The following SLC5A4 variants were observed in gnomAD, a reference collection of about 807,000 sequenced individuals.
The protein encoded by SLC5A4 is solute carrier family 5 member 4, also known as probable glucose sensor protein SLC5A4.
Under a neutral mutation model 70.3 loss-of-function variants are expected in SLC5A4, and 55 were observed. That is an observed-to-expected ratio of 0.78 (90% confidence interval 0.63 to 0.98). The LOEUF is 0.98. SLC5A4 is among the 50% of genes least tolerant of loss of function. The probability of loss-of-function intolerance (pLI) is 0.00; values close to 1 mark genes in which losing one functional copy is unlikely to be tolerated. For synonymous variants in SLC5A4, 268 were observed against 305.7 expected (o/e 0.88, Z 1.29); for missense variants, 735 against 839.2 (o/e 0.88, Z 1.53).
At chr22:32,288,956 T>C in the SLC5A4 span, among the ~76,000 whole-genome samples, 2 of 152,224 alleles carry the variant, frequency 1.3e-5, no homozygotes, top group Non-Finnish European at 2.9e-5. Flanking sequence ...CTTTTTTTTC[T>C]TGTTTGTGTC....
the SLC5A4 span, among the ~76,000 whole-genome samples, chr22:32,331,754 C>T: frequency 3.9e-5 from 6 of 152,202 alleles, no homozygotes; most frequent in Non-Finnish European, 7.4e-5. Flanking sequence ...GGGCAGGACA[C>T]GCAGCCCACA....
At chr22:32,341,840 C>A in the SLC5A4 span, among the ~76,000 whole-genome samples, 2 of 152,198 alleles carry the variant, frequency 1.3e-5, no homozygotes, top group Non-Finnish European at 2.9e-5. Flanking sequence ...ACATTTCACT[C>A]CCTCCACCTG....
the SLC5A4 span, among the ~76,000 whole-genome samples, chr22:32,323,943 C>T: frequency 3.8e-3 from 572 of 152,044 alleles, 6 homozygotes; most frequent in African/African-American, 0.013. Context: ...GGCAGCCTCA[C>T]CCGACTTTGG....
upstream of SLC5A4, among the ~76,000 whole-genome samples, chr22:32,255,922 C>T (rs1175333512): frequency 6.6e-6 from 1 of 152,026 alleles, no homozygotes; most frequent in African/African-American, 2.4e-5. Context: ...CTGTGGAGAG[C>T]GCTGGGTCAG....
the SLC5A4 span, among the ~76,000 whole-genome samples, chr22:32,336,408 T>G: frequency 5.3e-5 from 8 of 152,246 alleles, no homozygotes; most frequent in Admixed American, 5.2e-4. Context: ...GTTGCTGCGT[T>G]AAGGCATTTT....
chr22:32,332,868 T>C, the SLC5A4 span, among the ~76,000 whole-genome samples: 3 of 152,202 alleles, frequency 2.0e-5, no homozygotes, highest in Non-Finnish European at 4.4e-5. Flanking sequence ...GCTGTCCTTT[T>C]CATCGGCAGC....
At chr22:32,304,186 G>A in the SLC5A4 span, among the ~76,000 whole-genome samples, 1 of 152,098 alleles carries the variant, frequency 6.6e-6, no homozygotes, top group South Asian at 2.1e-4. Flanking sequence ...GAGTGCAATG[G>A]TGCAATCTCA....
chr22:32,308,164 C>T, the SLC5A4 span, among the ~76,000 whole-genome samples: 2 of 152,150 alleles, frequency 1.3e-5, no homozygotes, highest in African/African-American at 2.4e-5. Flanking sequence ...CTCCTGGGTT[C>T]ACGTTATGTT....
chr22:32,303,284 G>T, the SLC5A4 span, among the ~76,000 whole-genome samples: 1 of 152,210 alleles, frequency 6.6e-6, no homozygotes, highest in South Asian at 2.1e-4. Flanking sequence ...GTCCAGAAAG[G>T]TGGGACAACT....
the SLC5A4 span, among the ~76,000 whole-genome samples, chr22:32,342,353 T>C: frequency 6.6e-6 from 1 of 152,014 alleles, no homozygotes; most frequent in Non-Finnish European, 1.5e-5. Flanking sequence ...TAACTAATAA[T>C]GATGGAAGAA....
chr22:32,304,756 C>T, the SLC5A4 span, among the ~76,000 whole-genome samples: 72,871 of 152,040 alleles, frequency 0.48, 17,623 homozygotes, highest in Admixed American at 0.51. Flanking sequence ...TATCAATTCT[C>T]TCTTTCATAG....
the SLC5A4 span, among the ~76,000 whole-genome samples, chr22:32,292,591 T>G: frequency 6.6e-6 from 1 of 151,218 alleles, no homozygotes; most frequent in African/African-American, 2.4e-5. Context: ...GTGAGAAATA[T>G]GGTAGAAAAT....
rs529788486 is a variant in SLC5A4 at position 32,226,677 on chromosome 22, AT to A, written c.1281-855del. On this transcript the variant is annotated intron_variant, in intron 11 of 14. Transcript: ENST00000266086. Reference sequence around the variant, plus strand: ...TCAATAAATTACACTTACTGTTGGTATTTTTTTTTAATTACCATTGGAAGAC... The same window carrying A: ...TCAATAAATTACACTTACTGTTGGTATTTTTTTTAATTACCATTGGAAGAC... Among the ~76,000 whole-genome samples, 1,283 of 151,804 alleles carry A rather than the reference AT, an allele frequency of 8.5e-3. 15 individuals carry two copies. The highest frequency in any genetic ancestry group is 0.029 in the African/African-American group (1,189 of 41,408).
the SLC5A4 span, among the ~76,000 whole-genome samples, chr22:32,333,200 C>A: frequency 3.4e-5 from 5 of 148,540 alleles, no homozygotes; most frequent in South Asian, 2.2e-4. Flanking sequence ...ACTGGCACCC[C>A]CCCCCCAGAA....
At chr22:32,341,042 A>T in the SLC5A4 span, among the ~76,000 whole-genome samples, 1 of 152,076 alleles carries the variant, frequency 6.6e-6, no homozygotes, top group Non-Finnish European at 1.5e-5. Context: ...AACAGGAAAG[A>T]AAGAGAGGAG....
chr22:32,312,782 T>C, the SLC5A4 span, among the ~76,000 whole-genome samples: 1 of 151,898 alleles, frequency 6.6e-6, no homozygotes, highest in Non-Finnish European at 1.5e-5. Context: ...GTATTTCAGA[T>C]CTCATCTCCC....
At chr22:32,233,876 C>T in intron 8 of SLC5A4, among the ~76,000 whole-genome samples, 1 of 148,644 alleles carries the variant, frequency 6.7e-6, no homozygotes, top group East Asian at 2.0e-4. Flanking sequence ...AAAAAAAAAG[C>T]TGAGGAAAAG....
chr22:32,283,536 T>C, the SLC5A4 span, among the ~76,000 whole-genome samples: 1 of 152,190 alleles, frequency 6.6e-6, no homozygotes, highest in Non-Finnish European at 1.5e-5. Context: ...ATTCCCATGG[T>C]ATATATAGTT....
chr22:32,221,822 C>T (rs1925099769), intron 13 of SLC5A4, among the ~76,000 whole-genome samples: 1 of 152,100 alleles, frequency 6.6e-6, no homozygotes, highest in African/African-American at 2.4e-5. Flanking sequence ...GCGATCTTGG[C>T]TCACTGCAAC....
Sources: allele counts gnomAD v4.1 joint callset (sites outside exome capture counted in the v4.1 genomes callset), GRCh38; gene constraint gnomAD v4.1.1; transcripts MANE v1.5; gene names NCBI Gene and HGNC (gene_info 2026-07-23, HGNC 2026-07-21).